SUGCT: variants seen among roughly 807,000 people sequenced by gnomAD.
The protein encoded by SUGCT is succinyl-CoA:glutarate CoA-transferase.
In SUGCT, 41 loss-of-function variants were observed where a neutral mutation model predicts 55.0. The observed-to-expected ratio is 0.74, with a 90% CI of 0.58 to 0.97. The LOEUF (loss-of-function observed/expected upper bound fraction) is 0.97, where lower values mean the gene tolerates loss of function less well. SUGCT is among the 50% of genes least tolerant of loss of function. The pLI is 0.00. For synonymous variants in SUGCT, 187 were observed against 200.4 expected, an observed-to-expected ratio of 0.93 and a Z score of 0.56; for missense variants, 568 against 547.8, an observed-to-expected ratio of 1.04 and a Z score of -0.37.
At chr7:40,561,715 G>A (rs188169728) in intron 12 of SUGCT, among the ~76,000 whole-genome samples, 5 of 126,076 alleles carry the variant, frequency 4.0e-5, no homozygotes, top group Non-Finnish European at 8.1e-5. Context: ...TTTTTGAGAT[G>A]GAGTCTCGTT....
intron 8 of SUGCT, among the ~76,000 whole-genome samples, chr7:40,291,664 A>C (rs955137920): frequency 7.6e-6 from 1 of 131,410 alleles, no homozygotes; most frequent in Non-Finnish European, 1.6e-5. Flanking sequence ...ATAATAATAA[A>C]ATAAAAAAAT....
chr7:40,267,353 A>C (rs1422742962), intron 7 of SUGCT, among the ~76,000 whole-genome samples: 1 of 152,200 alleles, frequency 6.6e-6, no homozygotes, highest in Non-Finnish European at 1.5e-5. Flanking sequence ...CAAAATAAAA[A>C]TTGTACTATC....
chr7:40,773,905 C>G (rs1789317742), intron 13 of SUGCT, among the ~76,000 whole-genome samples: 1 of 152,132 alleles, frequency 6.6e-6, no homozygotes, highest in Non-Finnish European at 1.5e-5. Flanking sequence ...TAGGTTAACT[C>G]TTAAAACACT....
intron 13 of SUGCT, among the ~76,000 whole-genome samples, chr7:40,818,604 A>T (rs373187276): frequency 6.6e-6 from 1 of 152,208 alleles, no homozygotes. Context: ...AGTATCTTCA[A>T]CACTGGAGAT....
the SUGCT span, chr7:40,966,063 A>G: frequency 6.6e-6 from 1 of 152,252 alleles, no homozygotes; most frequent in East Asian, 1.9e-4. Flanking sequence ...ATAGGACTGC[A>G]TAGGCCATCA....
intron 11 of SUGCT, among the ~76,000 whole-genome samples, chr7:40,488,404 A>G (rs1791503306): frequency 6.6e-6 from 1 of 152,134 alleles, no homozygotes; most frequent in African/African-American, 2.4e-5. Context: ...TGATGTCACA[A>G]CATTCATCAC....
chr7:40,378,027 T>A (rs941366199), intron 9 of SUGCT, among the ~76,000 whole-genome samples: 1 of 152,224 alleles, frequency 6.6e-6, no homozygotes, highest in Non-Finnish European at 1.5e-5. Context: ...ATTCTCTCTT[T>A]GCCTTTGGCT....
the SUGCT span, among the ~76,000 whole-genome samples, chr7:40,940,617 A>G: frequency 1.3e-5 from 2 of 151,868 alleles, no homozygotes; most frequent in Non-Finnish European, 2.9e-5. Context: ...AGTATATTTT[A>G]AGATATTTTA....
At chr7:40,854,150 C>CT (rs1238994254) in intron 13 of SUGCT, among the ~76,000 whole-genome samples, 2 of 152,200 alleles carry the variant, frequency 1.3e-5, no homozygotes, top group Admixed American at 1.3e-4. Flanking sequence ...TTTCCATGCA[C>CT]TTTTTTTCAT....
At position 40,648,200 on chromosome 7, in the gene SUGCT, C is replaced by T. The variant is rs1363214040; in HGVS notation, c.1090-101234C>T. On this transcript the variant is annotated intron_variant, in intron 12 of 13. Coordinates refer to ENST00000335693, the MANE Select transcript of SUGCT (RefSeq NM_001193313.2). Reference sequence around the variant, plus strand: ...GATGATTAATATTTCAGTGTACTTTCCCTAAGATTTTTCTGTATATATATA... The same window carrying T: ...GATGATTAATATTTCAGTGTACTTTTCCTAAGATTTTTCTGTATATATATA... 2.0e-5 allele frequency among the ~76,000 whole-genome samples: 3 copies of T among 152,278 alleles called. No homozygotes were observed. The East Asian group carries it at 5.8e-4, about 29-fold the overall frequency.
chr7:40,346,877 C>T (rs1797341567), intron 9 of SUGCT, among the ~76,000 whole-genome samples: 1 of 152,142 alleles, frequency 6.6e-6, no homozygotes, highest in Non-Finnish European at 1.5e-5. Context: ...GGAAAAATGC[C>T]CTCACCATTT....
chr7:40,373,288 C>CAGAATCTATAGATTATAGAAAATTT (rs1784377750), intron 9 of SUGCT, among the ~76,000 whole-genome samples: 1 of 18,298 alleles, frequency 5.5e-5, no homozygotes, highest in Non-Finnish European at 1.6e-4. Context: ...ATATAGAATT[C>CAGAATCTATAGATTATAGAAAATTT]AGAATCTATA....
At chr7:40,259,489 A>G (rs1307608866) in intron 7 of SUGCT, among the ~76,000 whole-genome samples, 2 of 152,210 alleles carry the variant, frequency 1.3e-5, no homozygotes, top group Non-Finnish European at 2.9e-5. Flanking sequence ...AAGTATATGA[A>G]GTAATGCATT....
At chr7:40,453,993 A>G (rs555680913) in intron 10 of SUGCT, among the ~76,000 whole-genome samples, 197 of 152,330 alleles carry the variant, frequency 1.3e-3, no homozygotes, top group African/African-American at 4.5e-3. Context: ...AAAATTAAAA[A>G]CTTAAAAGTA....
intron 11 of SUGCT, among the ~76,000 whole-genome samples, chr7:40,459,820 A>AT (rs1333196625): frequency 2.0e-5 from 3 of 152,054 alleles, no homozygotes; most frequent in Non-Finnish European, 4.4e-5. Flanking sequence ...ATGTCAGGTT[A>AT]TTTTTTTGTA....
chr7:40,319,900 G>A (rs4571645), intron 9 of SUGCT, among the ~76,000 whole-genome samples: 65,979 of 151,548 alleles, frequency 0.44, 14,779 homozygotes, highest in South Asian at 0.53. Flanking sequence ...ATAGCTTACT[G>A]CAGCCTCGAC....
At chr7:40,604,778 C>T (rs1400887588) in intron 12 of SUGCT, among the ~76,000 whole-genome samples, 1 of 152,208 alleles carries the variant, frequency 6.6e-6, no homozygotes, top group East Asian at 1.9e-4. Flanking sequence ...CATCACACTC[C>T]TGAGTGAAGA....
intron 8 of SUGCT, among the ~76,000 whole-genome samples, chr7:40,295,378 C>T (rs1447936184): frequency 3.9e-5 from 6 of 152,074 alleles, no homozygotes; most frequent in Admixed American, 2.6e-4. Flanking sequence ...GAGTTCGAGA[C>T]CAGCCTGACC....
intron 12 of SUGCT, among the ~76,000 whole-genome samples, chr7:40,515,862 CTCT>C (rs1305662592): frequency 9.8e-5 from 15 of 152,328 alleles, no homozygotes; most frequent in African/African-American, 3.4e-4. Context: ...CATATGATAA[CTCT>C]ATGTTGAACA....
Sources: allele counts gnomAD v4.1 joint callset (sites outside exome capture counted in the v4.1 genomes callset), GRCh38; gene constraint gnomAD v4.1.1; transcripts MANE v1.5; gene names NCBI Gene and HGNC (gene_info 2026-07-23, HGNC 2026-07-21).